The following INO80 variants were observed in gnomAD, a reference collection of about 807,000 sequenced individuals.
The protein encoded by INO80 is chromatin-remodeling ATPase INO80.
In INO80, 20 loss-of-function variants were observed where a neutral mutation model predicts 203.4. That is an observed-to-expected ratio of 0.10 (90% CI 0.07 to 0.14). The LOEUF (loss-of-function observed/expected upper bound fraction) is 0.14. Ranked by LOEUF, INO80 falls within the 10% of genes least tolerant of loss-of-function variation. The pLI, the probability that INO80 is intolerant of heterozygous loss-of-function variation, is 1.00. For missense variants in INO80, 1,419 were observed against 1,914.4 expected, an observed-to-expected ratio of 0.74 and a Z score of 4.83; for synonymous variants, 726 against 685.2, an observed-to-expected ratio of 1.06 and a Z score of -0.93.
At position 41,032,053 on chromosome 15, in the gene INO80, C is replaced by G. The variant is rs35308283; in HGVS notation, c.2908-4317G>C. On this transcript the variant is annotated intron_variant, in intron 24 of 35. Coordinates refer to ENST00000648947, the MANE Select transcript of INO80 (RefSeq NM_017553.3). Reference sequence around the variant, plus strand: ...CACAGCACAGCACAGCACAGCACAGCACAGCACAGGACAGCACAGGACAGC... The same window carrying G: ...CACAGCACAGCACAGCACAGCACAGGACAGCACAGGACAGCACAGGACAGC... 9.7e-3 allele frequency among the ~76,000 whole-genome samples: 652 copies of G among 67,348 alleles called. 12 individuals are homozygous for G. The highest frequency in any genetic ancestry group is 0.021 in the Middle Eastern group (3 of 142). The allele number at this position is 67,348 out of a possible 152,430, so 44.2% of individuals were successfully genotyped here. A position where few individuals can be genotyped will look rare whatever the true frequency, so the allele number is the denominator to read the frequency against.
intron 7 of INO80, among the ~76,000 whole-genome samples, chr15:41,083,166 T>C (rs1042866452): frequency 1.3e-5 from 2 of 149,278 alleles, no homozygotes; most frequent in Non-Finnish European, 3.0e-5. Context: ...GTGCCTGTAG[T>C]CCCAGCTACT....
At chr15:41,005,869 G>A (rs181489386) in intron 27 of INO80, among the ~76,000 whole-genome samples, 182 bp from the exon 28 acceptor site, 74 of 149,814 alleles carry the variant, frequency 4.9e-4, no homozygotes, top group Non-Finnish European at 8.6e-4. Context: ...CTGCCAATGT[G>A]TGAAAATCCA....
chr15:40,986,971 G>T, intron 31 of INO80, 120 bp downstream of exon 31: 1 of 568,760 alleles, frequency 1.8e-6, no homozygotes, highest in South Asian at 2.4e-5. Context: ...TATAAAATAT[G>T]AGCACAAAAA....
At chr15:41,043,891 A>T (rs2044709381) in intron 24 of INO80, among the ~76,000 whole-genome samples, 2 of 152,216 alleles carry the variant, frequency 1.3e-5, no homozygotes, top group African/African-American at 2.4e-5. Context: ...AAGGGCCAAG[A>T]ATTATATGAA....
intron 1 of INO80, among the ~76,000 whole-genome samples, chr15:41,114,499 A>T (rs564874382): frequency 6.6e-6 from 1 of 152,178 alleles, no homozygotes; most frequent in South Asian, 2.1e-4. Flanking sequence ...ACTTGAGGTC[A>T]GGAGTTCGAG....
intron 30 of INO80, among the ~76,000 whole-genome samples, 172 bp downstream of exon 30, chr15:40,987,644 A>G (rs912251475): frequency 1.3e-5 from 2 of 152,224 alleles, no homozygotes; most frequent in Non-Finnish European, 2.9e-5. Context: ...TGGCCAGGGA[A>G]GTCAAAATTG....
At chr15:41,102,102 A>C (rs2045817453) in intron 1 of INO80, among the ~76,000 whole-genome samples, 3 of 152,022 alleles carry the variant, frequency 2.0e-5, no homozygotes, top group African/African-American at 7.2e-5. Context: ...GAGGCAGGAG[A>C]ATCGCTTGAA....
intron 24 of INO80, among the ~76,000 whole-genome samples, chr15:41,040,489 G>C (rs2044649746): frequency 6.6e-6 from 1 of 152,280 alleles, no homozygotes; most frequent in African/African-American, 2.4e-5. Flanking sequence ...CAATAAACGG[G>C]ATATGGAGAG....
At chr15:40,995,928 GTGGCCCTCAGGCGCTGA>G (rs1258985896) in intron 29 of INO80, among the ~76,000 whole-genome samples, 9 of 152,142 alleles carry the variant, frequency 5.9e-5, no homozygotes, top group Non-Finnish European at 1.0e-4. Context: ...AATGCCTCCA[GTGGCCCTCAGGCGCTGA>G]CGTCTTGCCG....
chr15:41,052,473 G>A (rs962780447), intron 19 of INO80, among the ~76,000 whole-genome samples: 1 of 151,668 alleles, frequency 6.6e-6, no homozygotes, highest in Non-Finnish European at 1.5e-5. Context: ...AGGAGTTCAA[G>A]ACTAGTCTGG....
chr15:40,979,940 T>G lies in INO80; in HGVS notation c.*283A>C. The G allele has an allele frequency of 2.2e-6, 1 of 461,698 alleles. No individual in the cohort carries two copies. The highest frequency in any genetic ancestry group is 4.0e-6 in the Non-Finnish European group (1 of 251,306). The allele number at this position is 461,698 out of a possible 1,614,324, so 28.6% of individuals were successfully genotyped here. A position where few individuals can be genotyped will look rare whatever the true frequency, so the allele number is the denominator to read the frequency against. On this transcript the variant is annotated 3_prime_UTR_variant, in exon 36 of 36. Coordinates refer to ENST00000648947, the MANE Select transcript of INO80 (RefSeq NM_017553.3). ...CATCTAAAGGGGGTCTGTGTCAGGC[T>G]TGCCCCGTGAGAGGTTTAAGACTTG...
chr15:41,033,602 C>A (rs569274830), intron 24 of INO80, among the ~76,000 whole-genome samples: 12 of 152,064 alleles, frequency 7.9e-5, no homozygotes, highest in Non-Finnish European at 1.6e-4. Context: ...AAGTTCTGAC[C>A]CAAATCTACT....
chr15:41,109,833 G>A (rs1399636750), intron 1 of INO80, among the ~76,000 whole-genome samples: 1 of 151,880 alleles, frequency 6.6e-6, no homozygotes, highest in Non-Finnish European at 1.5e-5. Flanking sequence ...TCAGGAGGCT[G>A]AGGCAGGAGA....
intron 27 of INO80, among the ~76,000 whole-genome samples, chr15:41,014,270 A>AT (rs2044171549): frequency 6.6e-6 from 1 of 152,170 alleles, no homozygotes. Context: ...AAATACCATT[A>AT]TGTCCCTTAC....
intron 6 of INO80, 84 bp downstream of exon 6, chr15:41,087,478 T>C (rs1001054470): frequency 7.0e-7 from 1 of 1,418,672 alleles, no homozygotes; most frequent in Non-Finnish European, 9.7e-7. Flanking sequence ...TGGACTTATA[T>C]ATAAAGTCCA....
intron 33 of INO80, 91 bp from the exon 34 acceptor site, chr15:40,984,012 C>A (rs1893931979): frequency 1.3e-6 from 2 of 1,484,154 alleles, no homozygotes; most frequent in Admixed American, 1.8e-5. Context: ...ACAGTTGAGG[C>A]TGCTTTGGCT....
chr15:40,992,062 C>T (rs1023493900), intron 29 of INO80, among the ~76,000 whole-genome samples: 1 of 152,204 alleles, frequency 6.6e-6, no homozygotes, highest in African/African-American at 2.4e-5. Flanking sequence ...AGGCGTGAGC[C>T]ACCGGGCCCT....
chr15:40,993,058 C>CCA (rs1257096444), intron 29 of INO80, among the ~76,000 whole-genome samples: 1 of 152,180 alleles, frequency 6.6e-6, no homozygotes, highest in Non-Finnish European at 1.5e-5. Context: ...GCCTCCCAAA[C>CCA]TGCAGGGATT....
At chr15:41,013,751 T>C (rs539318638) in intron 27 of INO80, among the ~76,000 whole-genome samples, 27 of 152,168 alleles carry the variant, frequency 1.8e-4, no homozygotes, top group African/African-American at 5.8e-4. Flanking sequence ...AATTTCATTT[T>C]AGTTTTTAAA....
Sources: gnomAD v4.1 joint callset for allele counts (sites outside exome capture counted in the v4.1 genomes callset) on GRCh38, gnomAD v4.1.1 for gene constraint, MANE v1.5 for transcripts, NCBI Gene and HGNC (gene_info 2026-07-23, HGNC 2026-07-21) for gene names.